PEX1: variants seen among roughly 807,000 people sequenced by gnomAD.
The protein encoded by PEX1 is peroxisomal biogenesis factor 1.
PEX1 carries 97 observed loss-of-function variants against 152.5 expected under a neutral mutation model. The observed-to-expected ratio is 0.64, with a 90% CI of 0.54 to 0.75. The LOEUF is 0.75. Ranked by LOEUF, PEX1 falls within the 30% of genes least tolerant of loss-of-function variation. The probability of loss-of-function intolerance (pLI) is 0.00; values close to 1 mark genes in which losing one functional copy is unlikely to be tolerated. For synonymous variants in PEX1, 485 were observed against 531.6 expected (o/e 0.91, Z 1.21); for missense variants, 1,357 against 1,516.3 (o/e 0.89, Z 1.74).
intron 23 of PEX1, 62 bp from the exon 24 acceptor site, chr7:92,487,603 T>C (rs1170823500): frequency 8.4e-6 from 6 of 717,594 alleles, no homozygotes; most frequent in Non-Finnish European, 9.5e-6. Flanking sequence ...CAAAAGATAA[T>C]GGATTGTTGG....
At chr7:92,516,003 AAAGAAAAGAG>A (rs1194745400) in intron 5 of PEX1, among the ~76,000 whole-genome samples, 4 of 115,726 alleles carry the variant, frequency 3.5e-5, no homozygotes, top group African/African-American at 1.3e-4. Flanking sequence ...CAAAAAAAGA[AAAGAAAAGAG>A]AAGAGAAGAG....
In PEX1 at chr7:92,517,772, A is replaced by G; in HGVS notation, c.743T>C (p.Met248Thr). ...TTGAAAGGAAAAAATGCTTCCTATCATAGTCCATAAACTTGCTACTGATGA... is the reference window on the plus strand; with the variant it reads ...TTGAAAGGAAAAAATGCTTCCTATCGTAGTCCATAAACTTGCTACTGATGA... The part of the protein sequence containing the change: ...DSSSVASLWT[M>T]IGSIFSFQSE... Residue 248 changes from methionine to threonine, a missense_variant, in exon 5 of 24, where the codon ATG becomes ACG. Physicochemically the swap from Met to Thr is moderately conservative, Grantham distance 81 (BLOSUM62 -1). Coordinates refer to ENST00000248633, the MANE Select transcript of PEX1 (RefSeq NM_000466.3). 6.3e-7 allele frequency: 1 copy of G among 1,592,108 alleles called. No homozygotes were observed. Among genetic ancestry groups the G allele is most frequent in the Non-Finnish European group, 8.5e-7 (1 of 1,170,002 alleles).
rs914182840 is a variant in PEX1, at chr7:92,504,705, C to T, written c.2071+27G>A. The T allele has an allele frequency of 1.9e-6, 3 of 1,609,244 alleles. No individual in the cohort carries two copies. In the South Asian group the frequency reaches 3.3e-5, roughly 18 times the overall value. ...AATGCTGACTGACAAAAGAACAAGA[C>T]CTTAAGCCAGTGGTGGATGCATTTA... On this transcript the variant is annotated intron_variant, in intron 12 of 23. Transcript: ENST00000248633.
In PEX1 at chr7:92,511,683, T is replaced by A; in HGVS notation, c.1380A>T (p.Glu460Asp). 1 of 1,612,386 alleles carries A rather than the reference T, an allele frequency of 6.2e-7. No homozygotes were observed. The highest frequency in any genetic ancestry group is 1.1e-5 in the South Asian group (1 of 91,054). Residue 460 changes from glutamate (E) to aspartate (D), a missense_variant, in exon 7 of 24, where the codon GAA becomes GAT. Physicochemically the swap from Glu to Asp is conservative, Grantham distance 45 (BLOSUM62 2). Coordinates refer to ENST00000248633, the MANE Select transcript of PEX1 (RefSeq NM_000466.3). ...ATGAATAAAATACAGTTTTTATGTC[T>A]TCTTCACTTATGTCTTTAGGCTGCC... The part of the protein sequence containing the change: ...RENLPKDISE[E>D]DIKTVFYSWL...
At chr7:92,504,436 T>G (rs2116163204) in intron 12 of PEX1, among the ~76,000 whole-genome samples, 1 of 152,226 alleles carries the variant, frequency 6.6e-6, no homozygotes, top group Admixed American at 6.5e-5. Context: ...CACAAGCATT[T>G]GACAAATATT....
rs1205686114 is a variant in PEX1, at chr7:92,518,228, G to A, written c.385C>T (p.His129Tyr). The stretch of plus-strand genomic sequence containing the variant: ...ACTATTCGAATTTGATCTAGAAGAT[G>A]TTGTTCAAGGGAAACAGCATGCAGC... ...LELHAVSLEQ[H>Y]LLDQIRIVFP... is the part of the protein sequence containing the mutation. The change falls in exon 4 of 24, where the codon CAT becomes TAT. Residue 129 changes from histidine to tyrosine, a missense_variant. Coordinates refer to ENST00000248633, the MANE Select transcript of PEX1 (RefSeq NM_000466.3). The A allele has an allele frequency of 1.9e-6, 3 of 1,612,516 alleles. No individual in the cohort carries two copies. In the Admixed American group the frequency reaches 5.0e-5, roughly 27 times the overall value.
At chr7:92,498,178 G>A (rs1585226362) in intron 16 of PEX1, among the ~76,000 whole-genome samples, 1 of 151,268 alleles carries the variant, frequency 6.6e-6, no homozygotes, top group East Asian at 1.9e-4. Flanking sequence ...CGACAAAAGA[G>A]TAATTTACAA....
At position 92,528,405 on chromosome 7, in the gene PEX1, C is replaced by G; in HGVS notation, c.31G>C (p.Gly11Arg). The G allele has an allele frequency of 6.3e-7, 1 of 1,596,116 alleles. No homozygotes were observed. Among genetic ancestry groups the G allele is most frequent in the Non-Finnish European group, 8.5e-7 (1 of 1,172,842 alleles). The stretch of plus-strand genomic sequence containing the variant: ...ACAGTCACTGCCGCCCCGCCTCCCC[C>G]AGCACCCGCCAGGCGATCGCTGCCC... MWGSDRLAGAGGGGAAVTVAF... is the reference protein window; with the variant it reads MWGSDRLAGARGGGAAVTVAF... Residue 11 changes from glycine to arginine, a missense_variant, in exon 1 of 24, where the codon GGG (glycine) becomes CGG (arginine). Coordinates refer to ENST00000248633, the MANE Select transcript of PEX1 (RefSeq NM_000466.3).
chr7:92,489,785 T>C lies in PEX1; in HGVS notation c.3565A>G (p.Thr1189Ala). The part of the protein sequence containing the change: ...TASQEGCQEL[T>A]QEQRDQLRAD... ...CTCAGTTGATCTCTTTGTTCTTGTG[T>C]AAGTTCTTGGCAACCCTCTTGTGAA... Residue 1189 changes from threonine to alanine, a missense_variant, in exon 22 of 24, where the codon ACA becomes GCA. Coordinates refer to ENST00000248633, the MANE Select transcript of PEX1 (RefSeq NM_000466.3). 6.2e-7 allele frequency: 1 copy of C among 1,614,178 alleles called. No individual in the cohort carries two copies. The highest frequency in any genetic ancestry group is 8.5e-7 in the Non-Finnish European group (1 of 1,180,028).
intron 15 of PEX1, 145 bp from the exon 16 acceptor site, chr7:92,499,983 A>G: frequency 1.5e-6 from 1 of 666,380 alleles, no homozygotes; most frequent in Non-Finnish European, 2.6e-6. Context: ...ACAACAGTAG[A>G]AAATACAATT....
At chr7:92,496,667 A>G (rs2116110255) in intron 17 of PEX1, 46 bp downstream of exon 17, 3 of 1,237,928 alleles carry the variant, frequency 2.4e-6, no homozygotes, top group Non-Finnish European at 3.6e-6. Context: ...TGATTGATAA[A>G]TAATAACAGA....
Position 92,528,400 on chromosome 7 carries a change from TC to T in PEX1, c.35del (p.Gly12GlufsTer6). The T allele has an allele frequency of 6.3e-7, 1 of 1,594,840 alleles. No individual in the cohort carries two copies. The highest frequency in any genetic ancestry group is 1.1e-5 in the South Asian group (1 of 88,782). On this transcript the variant is annotated frameshift_variant, in exon 1 of 24. Transcript: ENST00000248633. LOFTEE classifies it high-confidence loss of function. ...WGSDRLAGAGGGGAAVTVAFT... is the reference protein window; with the variant it reads ...WGSDRLAGAGXGGAAVTVAFT... ...AGGCCACAGTCACTGCCGCCCCGCC[TC>T]CCCCAGCACCCGCCAGGCGATCGCT...
intron 5 of PEX1, among the ~76,000 whole-genome samples, chr7:92,516,064 A>AAG (rs1792753223): frequency 1.3e-5 from 1 of 76,638 alleles, no homozygotes; most frequent in Non-Finnish European, 2.7e-5. Context: ...AAAAAAGAAA[A>AAG]GAAAAGAAAA....
chr7:92,505,003 C>G lies in PEX1; in HGVS notation c.1901-101G>C, dbSNP rs537049428. Reference sequence around the variant, plus strand: ...CTAGAAAAGCTCGATATTGATTTAACTATAAAAATTTGATCTATATTTTAT... The same window carrying G: ...CTAGAAAAGCTCGATATTGATTTAAGTATAAAAATTTGATCTATATTTTAT... On this transcript the variant is annotated intron_variant, in intron 11 of 23. Transcript: ENST00000248633. 7 of 854,868 alleles carry G rather than the reference C, an allele frequency of 8.2e-6. No homozygotes were observed. The Admixed American group carries it at 1.3e-4, about 16-fold the overall frequency. 53.0% of individuals were successfully genotyped at this position (854,868 alleles called of 1,614,324 possible). A position where few individuals can be genotyped will look rare whatever the true frequency, so the allele number is the denominator to read the frequency against.
At position 92,491,314 on chromosome 7, in the gene PEX1, G is replaced by C; in HGVS notation, c.3396C>G (p.Ser1132Arg). 6.2e-7 allele frequency: 1 copy of C among 1,613,678 alleles called. No homozygotes were observed. Among genetic ancestry groups the C allele is most frequent in the Non-Finnish European group, 8.5e-7 (1 of 1,179,654 alleles). The change falls in exon 21 of 24, where the codon AGC (serine) becomes AGG (arginine). Residue 1132 changes from serine to arginine, a missense_variant. By Grantham distance (110) the Ser-to-Arg change is moderately radical. Transcript: ENST00000248633. The stretch of plus-strand genomic sequence containing the variant: ...CATTTCCAAGTTCTGATTCATAAGA[G>C]CTTCCAAAGTAGAGCCGGTACATAT... Reference protein sequence around the residue: ...KFNMYRLYFGSSYESELGNGT... With the variant: ...KFNMYRLYFGRSYESELGNGT...
chr7:92,518,069 G>A, intron 4 of PEX1, 27 bp from the exon 5 acceptor site: 6 of 1,613,254 alleles, frequency 3.7e-6, no homozygotes, highest in Non-Finnish European at 5.1e-6. Context: ...GCTCATTAGT[G>A]CACATTCATT....
intron 11 of PEX1, among the ~76,000 whole-genome samples, chr7:92,505,306 G>A (rs559752027): frequency 2.6e-5 from 4 of 151,848 alleles, no homozygotes; most frequent in East Asian, 3.9e-4. Context: ...CCAATTACTC[G>A]GGAGGTTGAG....
intron 16 of PEX1, among the ~76,000 whole-genome samples, chr7:92,497,525 G>T (rs931228296): frequency 1.3e-5 from 2 of 150,596 alleles, no homozygotes; most frequent in Admixed American, 1.3e-4. Flanking sequence ...AAATTTCCCT[G>T]CATATAGCAA....
intron 12 of PEX1, 57 bp from the exon 13 acceptor site, chr7:92,503,252 A>G: frequency 6.9e-7 from 1 of 1,446,556 alleles, no homozygotes; most frequent in Non-Finnish European, 9.6e-7. Context: ...AAATTTAAAA[A>G]TTATACATTC....
Sources: allele counts gnomAD v4.1 joint callset (sites outside exome capture counted in the v4.1 genomes callset), GRCh38; gene constraint gnomAD v4.1.1; transcripts MANE v1.5; gene names NCBI Gene and HGNC (gene_info 2026-07-23, HGNC 2026-07-21).